Variants in EGFL7 observed in about 807,000 individuals in gnomAD.
EGFL7 encodes the protein epidermal growth factor-like protein 7.
A neutral mutation model predicts 37.1 loss-of-function variants in EGFL7; 48 were observed. The observed-to-expected ratio is 1.29, with a 90% CI of 1.03 to 1.65. The LOEUF (loss-of-function observed/expected upper bound fraction) is 1.65. Among genes scored for constraint, EGFL7 ranks in the 40% most tolerant of loss-of-function variants. EGFL7 has a pLI of 0.00. For synonymous variants in EGFL7, 180 were observed against 156.8 expected (o/e 1.15, Z -1.10); for missense variants, 384 against 378.9 (o/e 1.01, Z -0.11).
upstream of EGFL7, among the ~76,000 whole-genome samples, chr9:136,662,676 C>T (rs1459761835): frequency 6.6e-6 from 1 of 152,176 alleles, no homozygotes; most frequent in Non-Finnish European, 1.5e-5. Flanking sequence ...GGGTCCAGCC[C>T]TGGTTTCTGG....
intron 8 of EGFL7, chr9:136,670,655 G>A: frequency 1.3e-6 from 1 of 772,000 alleles, no homozygotes; most frequent in Non-Finnish European, 2.4e-6. Flanking sequence ...CTTCAAACTC[G>A]TACCGTGAGT....
At chr9:136,662,273 C>A (rs540077032), upstream of EGFL7, among the ~76,000 whole-genome samples, 2 of 152,346 alleles carry the variant, frequency 1.3e-5, no homozygotes, top group East Asian at 3.9e-4. Flanking sequence ...TCACTGGCAG[C>A]TCTTTTAGGG....
rs777582115 is a variant in EGFL7, at chr9:136,668,667, C to T, written c.191C>T (p.Thr64Ile). 10 of 1,601,620 alleles carry T rather than the reference C, an allele frequency of 6.2e-6. No individual in the cohort carries two copies. The highest frequency in any genetic ancestry group is 1.1e-5 in the South Asian group (1 of 91,054). ...TGCGACGGGCACCGGGCCTGCAGCA[C>T]CTACCGGTGAGTGCCCCACCACACC... is the stretch of plus-strand genomic sequence containing the variant. ...TTCDGHRACS[T>I]YRTIYRTAYR... is the part of the protein sequence containing the mutation. Residue 64 changes from threonine to isoleucine, a missense_variant, in exon 5 of 11, where the codon ACC becomes ATC. By Grantham distance (89) the Thr-to-Ile change is moderately conservative (BLOSUM62 -1). Transcript: ENST00000308874.
chr9:136,660,113 G>A (rs963420964), upstream of EGFL7, among the ~76,000 whole-genome samples: 1 of 152,174 alleles, frequency 6.6e-6, no homozygotes, highest in Non-Finnish European at 1.5e-5. Context: ...GGGTGAGGGA[G>A]GGGCCCGCCT....
chr9:136,672,351 A>G lies in EGFL7; in HGVS notation c.*65A>G. 6.2e-7 allele frequency: 1 copy of G among 1,605,980 alleles called. No homozygotes were observed. Among genetic ancestry groups the G allele is most frequent in the Non-Finnish European group, 8.5e-7 (1 of 1,173,962 alleles). ...CCCTGCAGCCCCCATGCCCCTGCCCAACATGCTGGGGGTCCAGAAACCACC... is the reference window on the plus strand; with the variant it reads ...CCCTGCAGCCCCCATGCCCCTGCCCGACATGCTGGGGGTCCAGAAACCACC... On this transcript the variant is annotated 3_prime_UTR_variant, in exon 11 of 11. Transcript: ENST00000308874.
intron 5 of EGFL7, 152 bp from the exon 6 acceptor site, chr9:136,669,454 G>A: frequency 1.6e-6 from 1 of 619,162 alleles, no homozygotes; most frequent in Non-Finnish European, 2.8e-6. Flanking sequence ...GGAAACGGCT[G>A]TGCAGTGACC....
upstream of EGFL7, among the ~76,000 whole-genome samples, chr9:136,662,323 C>G (rs994558404): frequency 2.0e-5 from 3 of 152,164 alleles, no homozygotes; most frequent in Non-Finnish European, 4.4e-5. Flanking sequence ...TCCCGTCACC[C>G]CCTCACCATG....
chr9:136,671,774 C>T, intron 9 of EGFL7, 152 bp from the exon 10 acceptor site: 8 of 1,082,066 alleles, frequency 7.4e-6, no homozygotes, highest in Non-Finnish European at 8.8e-6. Context: ...AGCTTTTCTG[C>T]CACGGCAGCC....
intron 10 of EGFL7, 56 bp downstream of exon 10, chr9:136,672,144 G>C (rs2119164816): frequency 1.3e-6 from 2 of 1,573,590 alleles, no homozygotes; most frequent in Non-Finnish European, 8.6e-7. Context: ...AGTGGGCCTA[G>C]AGGGGCTACC....
At position 136,672,412 on chromosome 9, in the gene EGFL7, C is replaced by T; in HGVS notation, c.*126C>T. 6 of 1,087,182 alleles carry T rather than the reference C, an allele frequency of 5.5e-6. No homozygotes were observed. The highest frequency in any genetic ancestry group is 2.0e-5 in the Admixed American group (1 of 49,562). The allele number at this position is 1,087,182 out of a possible 1,614,324, so 67.3% of individuals were successfully genotyped here. ...TGAGCGGAAGGCCAGGCAGGGCCTT[C>T]CTCCTCTTCCTCCTCCCCTTCCTCG... is the stretch of plus-strand genomic sequence containing the variant. On this transcript the variant is annotated 3_prime_UTR_variant, in exon 11 of 11. Transcript: ENST00000308874.
chr9:136,670,202 G>C lies in EGFL7; in HGVS notation c.443G>C (p.Cys148Ser). 6.2e-7 allele frequency: 1 copy of C among 1,612,638 alleles called. No individual in the cohort carries two copies. Among genetic ancestry groups the C allele is most frequent in the Non-Finnish European group, 8.5e-7 (1 of 1,179,828 alleles). Reference protein sequence around the residue: ...VDECSARRGGCPQRCVNTAGS... With the variant: ...VDECSARRGGSPQRCVNTAGS... ...GAATGCAGTGCTAGGAGGGGCGGCTGTCCCCAGCGCTGCGTCAACACCGCC... is the reference window on the plus strand; with the variant it reads ...GAATGCAGTGCTAGGAGGGGCGGCTCTCCCCAGCGCTGCGTCAACACCGCC... Residue 148 changes from cysteine (C) to serine (S), a missense_variant, in exon 8 of 11, where the codon TGT becomes TCT. Transcript: ENST00000308874.
At chr9:136,664,501 G>A (rs897612885) in intron 2 of EGFL7, among the ~76,000 whole-genome samples, 191 bp from the exon 3 acceptor site, 1 of 152,240 alleles carries the variant, frequency 6.6e-6, no homozygotes. Flanking sequence ...CAGGGGCTGC[G>A]GATCCGAGAG....
chr9:136,659,455 T>G (rs1366228692), upstream of EGFL7: 4 of 152,760 alleles, frequency 2.6e-5, no homozygotes, highest in African/African-American at 9.6e-5. Flanking sequence ...GGTGCCCCTC[T>G]GTCTCGCGCC....
rs1845979986 is a variant in EGFL7, at chr9:136,672,401, G to A, written c.*115G>A. 5 of 1,313,486 alleles carry A rather than the reference G, an allele frequency of 3.8e-6. No individual in the cohort carries two copies. Among genetic ancestry groups the A allele is most frequent in the South Asian group, 3.6e-5 (3 of 83,224 alleles). The allele number at this position is 1,313,486 out of a possible 1,614,324, so 81.4% of individuals were successfully genotyped here. On this transcript the variant is annotated 3_prime_UTR_variant, in exon 11 of 11. Transcript: ENST00000308874. ...CTCGGGGTGACTGAGCGGAAGGCCA[G>A]GCAGGGCCTTCCTCCTCTTCCTCCT... is the stretch of plus-strand genomic sequence containing the variant.
In EGFL7 at chr9:136,668,378, G is replaced by C. The variant is rs1284338289; in HGVS notation, c.80+16G>C. The C allele has an allele frequency of 1.9e-6, 3 of 1,576,844 alleles. No homozygotes were observed. The highest frequency in any genetic ancestry group is 2.7e-5 in the African/African-American group (2 of 74,322). On this transcript the variant is annotated intron_variant, in intron 4 of 10. Coordinates refer to ENST00000308874, the MANE Select transcript of EGFL7 (RefSeq NM_016215.5). ...ACCGGCCCGGGTGAGCCAAGCCCTA[G>C]CCTGGGAGTGCTGGGGTGGGGGGAC...
chr9:136,668,774 G>A, intron 5 of EGFL7, 101 bp downstream of exon 5: 2 of 1,094,880 alleles, frequency 1.8e-6, no homozygotes, highest in South Asian at 1.3e-5. Context: ...TGGGACCCAA[G>A]ATGGGAAACT....
At chr9:136,670,809 C>T (rs920684955) in intron 8 of EGFL7, 141 bp from the exon 9 acceptor site, 124 of 840,956 alleles carry the variant, frequency 1.5e-4, no homozygotes, top group Non-Finnish European at 2.3e-4. Flanking sequence ...AGACCTCTGG[C>T]CAGCGCCAGG....
intron 8 of EGFL7, 113 bp downstream of exon 8, chr9:136,670,443 C>T (rs1011292987): frequency 7.7e-7 from 1 of 1,301,784 alleles, no homozygotes; most frequent in African/African-American, 1.5e-5. Flanking sequence ...GCGGTGGGGA[C>T]TCCCTCTCCA....
chr9:136,668,798 T>C, intron 5 of EGFL7, 125 bp downstream of exon 5: 1 of 903,652 alleles, frequency 1.1e-6, no homozygotes, highest in Admixed American at 2.0e-5. Context: ...GCCAGAGCCA[T>C]GAGAGGGCTG....
Sources: allele counts gnomAD v4.1 joint callset (sites outside exome capture counted in the v4.1 genomes callset), GRCh38; gene constraint gnomAD v4.1.1; transcripts MANE v1.5; gene names NCBI Gene and HGNC (gene_info 2026-07-23, HGNC 2026-07-21).